The following ZNF326 variants were observed in gnomAD, a reference collection of about 807,000 sequenced individuals.
ZNF326 encodes zinc finger protein 326.
ZNF326 carries 30 observed loss-of-function variants against 63.1 expected under a neutral mutation model. That is an observed-to-expected ratio of 0.48 (90% confidence interval 0.36 to 0.64). The LOEUF (loss-of-function observed/expected upper bound fraction) is 0.64. Ranked by LOEUF, ZNF326 falls within the 30% of genes least tolerant of loss-of-function variation. The pLI, the probability that ZNF326 is intolerant of heterozygous loss-of-function variation, is 0.00. For missense variants in ZNF326, 609 were observed against 720.3 expected, an observed-to-expected ratio of 0.85 and a Z score of 1.77; for synonymous variants, 194 against 228.2, an observed-to-expected ratio of 0.85 and a Z score of 1.35.
intron 11 of ZNF326, among the ~76,000 whole-genome samples, chr1:90,025,863 A>G (rs975257377): frequency 1.3e-5 from 2 of 151,926 alleles, no homozygotes; most frequent in Non-Finnish European, 2.9e-5. Context: ...GCTTTTTTAT[A>G]TGTATCATTT....
At chr1:90,022,170 C>A in intron 10 of ZNF326, 80 bp from the exon 11 acceptor site, 1 of 1,003,022 alleles carries the variant, frequency 1.0e-6, no homozygotes, top group Non-Finnish European at 1.5e-6. Flanking sequence ...AGGGTTTGAG[C>A]ATGAAATGCT....
chr1:90,008,142 A>T (rs909946976), intron 5 of ZNF326, among the ~76,000 whole-genome samples: 2 of 152,218 alleles, frequency 1.3e-5, no homozygotes, highest in Admixed American at 1.3e-4. Flanking sequence ...GTATGATAAA[A>T]TGTTTATACT....
chr1:89,998,036 T>A, intron 1 of ZNF326, 74 bp from the exon 2 acceptor site: 1 of 1,376,018 alleles, frequency 7.3e-7, no homozygotes, highest in Non-Finnish European at 1.0e-6. Flanking sequence ...GCTTGTTTTT[T>A]ACTGGATCGG....
chr1:90,018,098 C>A (rs1416748213), intron 8 of ZNF326, among the ~76,000 whole-genome samples: 3 of 152,072 alleles, frequency 2.0e-5, no homozygotes, highest in Non-Finnish European at 4.4e-5. Context: ...TCAAGACCAG[C>A]CTGAGCAACA....
intron 2 of ZNF326, among the ~76,000 whole-genome samples, chr1:89,999,467 A>G (rs1648563145): frequency 6.6e-6 from 1 of 152,190 alleles, no homozygotes; most frequent in South Asian, 2.1e-4. Context: ...GCAGGGCCAG[A>G]TGTTTATTTA....
chr1:90,020,105 A>G lies in ZNF326; in HGVS notation c.1175-687A>G, dbSNP rs535831235. Among the ~76,000 whole-genome samples the G allele has an allele frequency of 1.4e-4, 22 of 152,132 alleles. 1 individual carries two copies. The South Asian group carries it at 4.4e-3, about 30-fold the overall frequency. ...ATTGTAGTATTTCCGAAGTAGTTTC[A>G]TTACTTCCAGTTTTTCTTATCTTAC... On this transcript the variant is annotated intron_variant, in intron 9 of 11. Transcript: ENST00000340281.
At position 90,034,646 on chromosome 1, in the gene ZNF326, AAAG is replaced by A. The variant is rs1193586822; in HGVS notation, c.*6948_*6950del. ...TAAATCAATTTTTAAAAATCAGACA[AAAG>A]AAAACACTGTCCTTGTAATGCTTGC... On this transcript the variant is annotated 3_prime_UTR_variant, in exon 12 of 12. Coordinates refer to ENST00000340281, the MANE Select transcript of ZNF326 (RefSeq NM_182976.4). 6.6e-6 allele frequency: 1 copy of A among 152,172 alleles called. No homozygotes were observed. Among genetic ancestry groups the A allele is most frequent in the Non-Finnish European group, 1.5e-5 (1 of 67,992 alleles). The allele number at this position is 152,172 out of a possible 1,614,324, so 9.4% of individuals were successfully genotyped here.
At chr1:90,014,051 C>T (rs540566417) in intron 7 of ZNF326, among the ~76,000 whole-genome samples, 31 of 148,910 alleles carry the variant, frequency 2.1e-4, no homozygotes, top group African/African-American at 7.4e-4. Flanking sequence ...GGCAACAGAG[C>T]GAGACTCTGT....
At chr1:90,008,191 T>G (rs1251071747) in intron 5 of ZNF326, among the ~76,000 whole-genome samples, 1 of 152,198 alleles carries the variant, frequency 6.6e-6, no homozygotes, top group African/African-American at 2.4e-5. Context: ...TCTTCAAAGC[T>G]CCATGTTTCA....
intron 6 of ZNF326, 75 bp from the exon 7 acceptor site, chr1:90,013,051 C>CT: frequency 1.5e-6 from 2 of 1,305,816 alleles, no homozygotes; most frequent in Non-Finnish European, 2.1e-6. Flanking sequence ...TAAGTATGTA[C>CT]TTTACGAACT....
chr1:89,996,852 G>A (rs1267671503), intron 1 of ZNF326, among the ~76,000 whole-genome samples: 2 of 152,228 alleles, frequency 1.3e-5, no homozygotes, highest in African/African-American at 4.8e-5. Flanking sequence ...GCTGTAGTTT[G>A]ATGATAATGC....
chr1:90,019,486 T>G (rs908018250), intron 9 of ZNF326, among the ~76,000 whole-genome samples: 1 of 152,196 alleles, frequency 6.6e-6, no homozygotes, highest in Non-Finnish European at 1.5e-5. Context: ...ATATGATTCA[T>G]GAATCATTTT....
chr1:90,010,411 G>C, intron 6 of ZNF326, 125 bp downstream of exon 6: 1 of 1,004,652 alleles, frequency 1.0e-6, no homozygotes, highest in Non-Finnish European at 1.4e-6. Context: ...GTAGAAGTTA[G>C]ATCTGTAAAT....
Position 90,005,320 on chromosome 1 carries a change from G to C in ZNF326, c.209+76G>C, listed in dbSNP as rs942466053. The C allele has an allele frequency of 2.6e-6, 4 of 1,534,460 alleles. No individual in the cohort carries two copies. The African/African-American group carries it at 5.6e-5, about 21-fold the overall frequency. ...GATATATTATTTTAAGTACTCTTTA[G>C]GCATGTTATGATACTTGAACTTCAC... is the stretch of plus-strand genomic sequence containing the variant. On this transcript the variant is annotated intron_variant, in intron 4 of 11. Coordinates refer to ENST00000340281, the MANE Select transcript of ZNF326 (RefSeq NM_182976.4).
chr1:90,022,412 G>A (rs1018373236), intron 11 of ZNF326, 67 bp downstream of exon 11: 4 of 1,136,370 alleles, frequency 3.5e-6, no homozygotes, highest in South Asian at 1.3e-5. Flanking sequence ...TGGTGACATA[G>A]TAACCTTTTG....
intron 2 of ZNF326, among the ~76,000 whole-genome samples, chr1:89,999,563 G>A (rs1648568722): frequency 6.6e-6 from 1 of 152,102 alleles, no homozygotes; most frequent in East Asian, 1.9e-4. Context: ...CTCATCTGAG[G>A]GTGATTGTTG....
intron 1 of ZNF326, among the ~76,000 whole-genome samples, chr1:89,997,529 A>G (rs1343721673): frequency 6.6e-6 from 1 of 151,982 alleles, no homozygotes; most frequent in Non-Finnish European, 1.5e-5. Flanking sequence ...ACGCACCACC[A>G]GGCCCGGCTA....
Position 90,034,408 on chromosome 1 carries a change from A to G in ZNF326, c.*6707A>G, listed in dbSNP as rs1650406446. 1 of 152,188 alleles carries G rather than the reference A, an allele frequency of 6.6e-6. No individual in the cohort carries two copies. The highest frequency in any genetic ancestry group is 6.5e-5 in the Admixed American group (1 of 15,274). The allele number at this position is 152,188 out of a possible 1,614,324, so 9.4% of individuals were successfully genotyped here. A position where few individuals can be genotyped will look rare whatever the true frequency, so the allele number is the denominator to read the frequency against. ...TACGTATTTGAACACAGCGCTTAGAAATTGTCAGATAAAGAGTTCAAAATA... is the reference window on the plus strand; with the variant it reads ...TACGTATTTGAACACAGCGCTTAGAGATTGTCAGATAAAGAGTTCAAAATA... On this transcript the variant is annotated 3_prime_UTR_variant, in exon 12 of 12. Transcript: ENST00000340281.
chr1:89,995,186 G>A lies in ZNF326; in HGVS notation c.-72G>A. On this transcript the variant is annotated 5_prime_UTR_variant, in exon 1 of 12. Coordinates refer to ENST00000340281, the MANE Select transcript of ZNF326 (RefSeq NM_182976.4). ...GCGCGGAGTGATCGTGTGGAATCGCGGGTCGCGGACGCTCGCCGCCGGCCA... is the reference window on the plus strand; with the variant it reads ...GCGCGGAGTGATCGTGTGGAATCGCAGGTCGCGGACGCTCGCCGCCGGCCA... The A allele has an allele frequency of 6.6e-7, 1 of 1,506,986 alleles. No homozygotes were observed. The highest frequency in any genetic ancestry group is 1.2e-5 in the South Asian group (1 of 81,978). 93.4% of individuals were successfully genotyped at this position (1,506,986 alleles called of 1,614,324 possible). A position where few individuals can be genotyped will look rare whatever the true frequency, so the allele number is the denominator to read the frequency against.
Sources: allele counts gnomAD v4.1 joint callset (sites outside exome capture counted in the v4.1 genomes callset), GRCh38; gene constraint gnomAD v4.1.1; transcripts MANE v1.5; gene names NCBI Gene and HGNC (gene_info 2026-07-23, HGNC 2026-07-21).